Variants in SLC25A12 observed in about 807,000 individuals in gnomAD.
The protein encoded by SLC25A12 is solute carrier family 25 member 12.
A neutral mutation model predicts 83.3 loss-of-function variants in SLC25A12; 32 were observed. The ratio of observed to expected loss-of-function variants is 0.38; its 90% confidence interval spans 0.29 to 0.52. The LOEUF is 0.52. Ranked by LOEUF, SLC25A12 falls within the 20% of genes least tolerant of loss-of-function variation. The pLI is 0.84. For synonymous variants in SLC25A12, 267 were observed against 291.1 expected, an observed-to-expected ratio of 0.92 and a Z score of 0.84; for missense variants, 611 against 835.6, an observed-to-expected ratio of 0.73 and a Z score of 3.31.
chr2:171,828,754 C>T (rs1188898315), intron 8 of SLC25A12, among the ~76,000 whole-genome samples: 1 of 152,216 alleles, frequency 6.6e-6, no homozygotes, highest in African/African-American at 2.4e-5. Flanking sequence ...AAGTTCATGG[C>T]TATCACTCCA....
At chr2:171,837,993 T>C (rs939416415) in intron 5 of SLC25A12, among the ~76,000 whole-genome samples, 5 of 152,182 alleles carry the variant, frequency 3.3e-5, no homozygotes, top group African/African-American at 1.2e-4. Context: ...AACAACAAAA[T>C]GTTCCAGCAA....
chr2:171,860,342 A>G (rs1466195387), intron 3 of SLC25A12, among the ~76,000 whole-genome samples: 1 of 152,078 alleles, frequency 6.6e-6, no homozygotes, highest in African/African-American at 2.4e-5. Flanking sequence ...GCACTTCGGG[A>G]GGCTGAGGCG....
chr2:171,814,869 G>A (rs1307054537), intron 10 of SLC25A12, among the ~76,000 whole-genome samples: 1 of 152,166 alleles, frequency 6.6e-6, no homozygotes, highest in Non-Finnish European at 1.5e-5. Flanking sequence ...TAATTAAGGT[G>A]AGTGCAGCAC....
At chr2:171,804,486 C>T (rs1683781264) in intron 13 of SLC25A12, among the ~76,000 whole-genome samples, 1 of 152,124 alleles carries the variant, frequency 6.6e-6, no homozygotes, top group African/African-American at 2.4e-5. Context: ...GTCTCAAACT[C>T]CTGACCTCAA....
intron 13 of SLC25A12, among the ~76,000 whole-genome samples, chr2:171,807,836 C>A (rs549256113): frequency 6.6e-6 from 1 of 152,158 alleles, no homozygotes; most frequent in Admixed American, 6.5e-5. Flanking sequence ...TGTGCTGGGG[C>A]ATGCATACAG....
chr2:171,867,914 G>T (rs1028567227), intron 3 of SLC25A12, among the ~76,000 whole-genome samples: 1 of 152,188 alleles, frequency 6.6e-6, no homozygotes, highest in East Asian at 1.9e-4. Context: ...GCGCAATCTC[G>T]GCGCACTGCA....
chr2:171,819,131 A>G (rs1384548689), intron 9 of SLC25A12, among the ~76,000 whole-genome samples: 2 of 138,120 alleles, frequency 1.4e-5, no homozygotes, highest in East Asian at 4.0e-4. Context: ...TATATAATAC[A>G]TATTATATAT....
At chr2:171,812,791 G>C (rs1189267638) in intron 11 of SLC25A12, among the ~76,000 whole-genome samples, 4 of 116,914 alleles carry the variant, frequency 3.4e-5, no homozygotes, top group African/African-American at 1.2e-4. Flanking sequence ...TGGAACCAAA[G>C]GGTTTTCCTT....
intron 2 of SLC25A12, among the ~76,000 whole-genome samples, chr2:171,888,241 T>C (rs1276056064): frequency 6.6e-6 from 1 of 151,602 alleles, no homozygotes; most frequent in Non-Finnish European, 1.5e-5. Flanking sequence ...ACCACAGGCA[T>C]GTACCACCGC....
chr2:171,823,164 A>C (rs915291226), intron 9 of SLC25A12, among the ~76,000 whole-genome samples: 1 of 152,212 alleles, frequency 6.6e-6, no homozygotes. Context: ...AAATTGAAGA[A>C]AGTTTATTCC....
intron 9 of SLC25A12, among the ~76,000 whole-genome samples, chr2:171,821,030 T>C (rs1684178392): frequency 7.7e-6 from 1 of 129,408 alleles, no homozygotes; most frequent in African/African-American, 2.9e-5. Context: ...TTTTTTTTTT[T>C]TTTTTTTTTT....
intron 6 of SLC25A12, among the ~76,000 whole-genome samples, chr2:171,835,791 C>T (rs1684541793): frequency 6.6e-6 from 1 of 151,358 alleles, no homozygotes; most frequent in Non-Finnish European, 1.5e-5. Context: ...TATCCCACCC[C>T]ACCACCCCTC....
At chr2:171,850,104 G>T (rs555439082) in intron 4 of SLC25A12, among the ~76,000 whole-genome samples, 1 of 151,014 alleles carries the variant, frequency 6.6e-6, no homozygotes, top group South Asian at 2.1e-4. Flanking sequence ...ATGCCTGGCC[G>T]CCATAGAATT....
At chr2:171,800,662 C>T (rs1683692796) in intron 13 of SLC25A12, among the ~76,000 whole-genome samples, 1 of 152,158 alleles carries the variant, frequency 6.6e-6, no homozygotes, top group Non-Finnish European at 1.5e-5. Flanking sequence ...AAGATTTGTA[C>T]AAGAATGTTT....
intron 4 of SLC25A12, among the ~76,000 whole-genome samples, chr2:171,846,413 C>A (rs1471616170): frequency 6.6e-6 from 1 of 151,914 alleles, no homozygotes; most frequent in Non-Finnish European, 1.5e-5. Context: ...AATTGAATCC[C>A]TTTTATATAA....
chr2:171,803,136 C>T (rs1446545417), intron 13 of SLC25A12, among the ~76,000 whole-genome samples: 4 of 150,492 alleles, frequency 2.7e-5, no homozygotes, highest in Non-Finnish European at 5.9e-5. Flanking sequence ...AAAAAAAAAC[C>T]TAAAAAACTT....
intron 9 of SLC25A12, among the ~76,000 whole-genome samples, chr2:171,816,703 G>C (rs1434065523): frequency 6.6e-6 from 1 of 152,100 alleles, no homozygotes; most frequent in Admixed American, 6.6e-5. Flanking sequence ...ATAATTAACT[G>C]AATATGCTTC....
rs142891505 is a variant in SLC25A12, at chr2:171,787,612, A to G, written c.1794T>C (p.Tyr598=). ...SPQFGVTLVT[Y]ELLQRWFYID... is the part of the protein sequence containing the mutation. ...TGTAAAACCACCGCTGGAGAAGTTC[A>G]TAAGTGACCAAGGTAACACCAAACT... is the stretch of plus-strand genomic sequence containing the variant. The change falls in exon 17 of 18, where the codon TAT becomes TAC. Residue 598 remains tyrosine, a synonymous_variant. Coordinates refer to ENST00000422440, the MANE Select transcript of SLC25A12 (RefSeq NM_003705.5). 3.7e-4 allele frequency: 601 copies of G among 1,614,202 alleles called. 3 individuals carry two copies. In the African/African-American group the frequency reaches 6.1e-3, roughly 16 times the overall value.
In SLC25A12 at chr2:171,815,191, C is replaced by G; in HGVS notation, c.942G>C (p.Gly314=). The part of the protein sequence containing the change: ...LAELQRQQSP[G]LGRPIWLQIA... ...TCTGGAGCCAGATAGGCCTGCCTAA[C>G]CCAGGAGACTGCTGCAGAGAAGAAA... The change falls in exon 10 of 18, where the codon GGG becomes GGC. Residue 314 remains glycine (G), a synonymous_variant. Transcript: ENST00000422440. 1 of 1,613,282 alleles carries G rather than the reference C, an allele frequency of 6.2e-7. No individual in the cohort carries two copies. Among genetic ancestry groups the G allele is most frequent in the Non-Finnish European group, 8.5e-7 (1 of 1,179,448 alleles).
Sources: allele counts gnomAD v4.1 joint callset (sites outside exome capture counted in the v4.1 genomes callset), GRCh38; gene constraint gnomAD v4.1.1; transcripts MANE v1.5; gene names NCBI Gene and HGNC (gene_info 2026-07-23, HGNC 2026-07-21).